Variants in RBFOX1 observed in about 807,000 individuals in gnomAD.
RBFOX1 encodes RNA binding protein fox-1 homolog 1.
In RBFOX1, 8 loss-of-function variants were observed where a neutral mutation model predicts 57.7. The ratio of observed to expected loss-of-function variants is 0.14; its 90% confidence interval spans 0.08 to 0.25. The LOEUF (loss-of-function observed/expected upper bound fraction) is 0.25. RBFOX1 is among the 10% of genes least tolerant of loss of function. The pLI, the probability that RBFOX1 is intolerant of heterozygous loss-of-function variation, is 1.00. For synonymous variants in RBFOX1, 326 were observed against 222.4 expected (o/e 1.47, Z -4.15); for missense variants, 611 against 548.5 (o/e 1.11, Z -1.14).
At chr16:7,595,512 T>C (rs1487510727) in intron 7 of RBFOX1, 37 bp from the exon 8 acceptor site, 3 of 1,458,522 alleles carry the variant, frequency 2.1e-6, no homozygotes, top group Non-Finnish European at 2.8e-6. Flanking sequence ...GAAATAATAA[T>C]CTGCATGTTG....
chr16:6,343,239 A>C (rs2084843042), intron 2 of RBFOX1, among the ~76,000 whole-genome samples: 1 of 151,398 alleles, frequency 6.6e-6, no homozygotes, highest in African/African-American at 2.4e-5. Context: ...CTTACTCTAC[A>C]GTCATTATTA....
intron 1 of RBFOX1, among the ~76,000 whole-genome samples, chr16:5,296,113 C>T (rs1022702248): frequency 1.3e-5 from 2 of 152,198 alleles, no homozygotes; most frequent in African/African-American, 2.4e-5. Context: ...TTCTCACAGA[C>T]GCCTTCTTCA....
intron 4 of RBFOX1, among the ~76,000 whole-genome samples, chr16:7,293,945 A>T (rs1388374633): frequency 1.3e-5 from 2 of 152,180 alleles, no homozygotes; most frequent in East Asian, 3.9e-4. Flanking sequence ...TGGAGATGTT[A>T]GAGGTGAAGT....
chr16:6,724,610 T>C (rs1033060303), intron 3 of RBFOX1, among the ~76,000 whole-genome samples: 4 of 152,282 alleles, frequency 2.6e-5, no homozygotes, highest in Admixed American at 2.6e-4. Context: ...AAAATAAATT[T>C]CTGTTATTTA....
intron 4 of RBFOX1, among the ~76,000 whole-genome samples, chr16:7,370,353 C>A (rs1425758228): frequency 1.3e-5 from 2 of 152,170 alleles, no homozygotes; most frequent in African/African-American, 4.8e-5. Flanking sequence ...TAGGGCCTAA[C>A]TGCAGTAATG....
chr16:5,833,747 A>G (rs1382040731), intron 3 of RBFOX1, among the ~76,000 whole-genome samples: 4 of 152,108 alleles, frequency 2.6e-5, no homozygotes, highest in Non-Finnish European at 5.9e-5. Flanking sequence ...AGAAGGAGAG[A>G]CACATTTATT....
chr16:6,074,543 T>C (rs1272720011), intron 1 of RBFOX1, among the ~76,000 whole-genome samples: 2 of 152,180 alleles, frequency 1.3e-5, no homozygotes, highest in Non-Finnish European at 2.9e-5. Context: ...AAAGACAGAA[T>C]GAAAGACTTT....
At chr16:6,232,858 G>T (rs2097475048) in intron 1 of RBFOX1, among the ~76,000 whole-genome samples, 1 of 152,132 alleles carries the variant, frequency 6.6e-6, no homozygotes. Context: ...CTGTTTAGTA[G>T]ACTCAACTTC....
chr16:6,462,105 A>G (rs1261968089), intron 2 of RBFOX1, among the ~76,000 whole-genome samples: 1 of 152,226 alleles, frequency 6.6e-6, no homozygotes, highest in Non-Finnish European at 1.5e-5. Context: ...TTCATCCTTT[A>G]TAAAATCCTT....
At chr16:6,181,060 A>T (rs1205875418) in intron 1 of RBFOX1, among the ~76,000 whole-genome samples, 1 of 152,188 alleles carries the variant, frequency 6.6e-6, no homozygotes, top group East Asian at 1.9e-4. Context: ...CCAAGTATTT[A>T]GACTCTACTG....
chr16:6,228,151 A>G (rs1341303881), intron 1 of RBFOX1, among the ~76,000 whole-genome samples: 1 of 151,976 alleles, frequency 6.6e-6, no homozygotes, highest in Non-Finnish European at 1.5e-5. Context: ...TCTCTAGTAA[A>G]AATACAAAAA....
chr16:6,928,020 C>T (rs1224375172), intron 3 of RBFOX1, among the ~76,000 whole-genome samples: 1 of 152,132 alleles, frequency 6.6e-6, no homozygotes, highest in East Asian at 1.9e-4. Flanking sequence ...ACCCCCAGCA[C>T]CCACCCCTCT....
chr16:5,720,114 T>C (rs28886671), intron 3 of RBFOX1, among the ~76,000 whole-genome samples: 145,313 of 152,278 alleles, frequency 0.95, 69,367 homozygotes, highest in East Asian at 1. Flanking sequence ...TCTGGCCATC[T>C]TAGTGAGTGT....
intron 4 of RBFOX1, among the ~76,000 whole-genome samples, chr16:7,315,953 C>A (rs945477838): frequency 6.6e-6 from 1 of 152,058 alleles, no homozygotes; most frequent in African/African-American, 2.4e-5. Context: ...CAAGCTGAAC[C>A]CATATTACAG....
intron 2 of RBFOX1, among the ~76,000 whole-genome samples, chr16:5,530,534 C>G (rs1010884237): frequency 2.0e-5 from 3 of 151,654 alleles, no homozygotes; most frequent in Non-Finnish European, 4.4e-5. Flanking sequence ...GTAGGTGTTA[C>G]TCTCTGCGGC....
At chr16:7,216,913 C>T (rs72767305) in intron 4 of RBFOX1, among the ~76,000 whole-genome samples, 47,505 of 151,450 alleles carry the variant, frequency 0.31, 8,311 homozygotes, top group East Asian at 0.66. Flanking sequence ...CCATTTTATA[C>T]CCAAGGAAAC....
chr16:6,721,741 A>G (rs1454000442), intron 3 of RBFOX1: 2 of 151,910 alleles, frequency 1.3e-5, no homozygotes, highest in Non-Finnish European at 2.9e-5. Context: ...TGTTTAATTA[A>G]TTAATTAATT....
At chr16:5,843,106 C>T (rs1009611240) in intron 3 of RBFOX1, among the ~76,000 whole-genome samples, 6 of 152,126 alleles carry the variant, frequency 3.9e-5, no homozygotes, top group East Asian at 1.9e-4. Flanking sequence ...GGATTACAGG[C>T]GTGAGCCACC....
At chr16:7,710,449 G>T (rs2083825995) in intron 15 of RBFOX1, 174 bp from the exon 16 acceptor site, 7 of 1,438,058 alleles carry the variant, frequency 4.9e-6, no homozygotes, top group Middle Eastern at 4.2e-4. Flanking sequence ...GAGCTATTGG[G>T]GAAGGTCAGG....
Sources: allele counts gnomAD v4.1 joint callset (sites outside exome capture counted in the v4.1 genomes callset), GRCh38; gene constraint gnomAD v4.1.1; transcripts MANE v1.5; gene names NCBI Gene and HGNC (gene_info 2026-07-23, HGNC 2026-07-21).